Variants in GLIS3 observed in about 807,000 individuals in gnomAD.
GLIS3 encodes zinc finger protein GLIS3.
Under a neutral mutation model 78.6 loss-of-function variants are expected in GLIS3, and 53 were observed. That is an observed-to-expected ratio of 0.67 (90% CI 0.54 to 0.85). The LOEUF (loss-of-function observed/expected upper bound fraction) is 0.85, where lower values mean the gene tolerates loss of function less well. GLIS3 is among the 40% of genes least tolerant of loss of function. The probability of loss-of-function intolerance (pLI) is 0.00; values close to 1 mark genes in which losing one functional copy is unlikely to be tolerated. For synonymous variants in GLIS3, 684 were observed against 509.9 expected (o/e 1.34, Z -4.60); for missense variants, 1,703 against 1,231.1 (o/e 1.38, Z -5.74).
At chr9:3,928,636 G>T (rs1825410425) in intron 6 of GLIS3, among the ~76,000 whole-genome samples, 1 of 152,164 alleles carries the variant, frequency 6.6e-6, no homozygotes, top group African/African-American at 2.4e-5. Context: ...TAAATAGACT[G>T]CCCTAATTTT....
At chr9:4,407,435 G>A in the GLIS3 span, among the ~76,000 whole-genome samples, 5 of 152,186 alleles carry the variant, frequency 3.3e-5, no homozygotes, top group Non-Finnish European at 2.9e-5. Context: ...CACGAGGTCA[G>A]GAGATCGAGA....
At chr9:4,361,174 G>C in the GLIS3 span, among the ~76,000 whole-genome samples, 13 of 152,238 alleles carry the variant, frequency 8.5e-5, no homozygotes, top group Non-Finnish European at 1.8e-4. Context: ...TCCCTCTTTG[G>C]AAACTGTCCT....
intron 2 of GLIS3, among the ~76,000 whole-genome samples, chr9:4,161,210 C>G (rs1564134466): frequency 1.3e-5 from 2 of 152,006 alleles, no homozygotes; most frequent in African/African-American, 4.8e-5. Flanking sequence ...GAGACCAAGG[C>G]TGCAGTGAGC....
the GLIS3 span, among the ~76,000 whole-genome samples, chr9:4,386,721 CAT>C: frequency 2.3e-4 from 35 of 152,304 alleles, no homozygotes; most frequent in African/African-American, 8.4e-4. Context: ...GAAAGGATGA[CAT>C]AAAGTTACAA....
At chr9:4,108,691 A>G (rs759034431) in intron 4 of GLIS3, among the ~76,000 whole-genome samples, 1 of 152,190 alleles carries the variant, frequency 6.6e-6, no homozygotes, top group Non-Finnish European at 1.5e-5. Flanking sequence ...CCAGGCCCCT[A>G]TTTAAAAATG....
intron 2 of GLIS3, among the ~76,000 whole-genome samples, chr9:4,204,334 C>T (rs73398467): frequency 0.022 from 3,347 of 152,188 alleles, 129 homozygotes; most frequent in African/African-American, 0.077. Context: ...GGTTTTTGTA[C>T]ATATAACCAT....
At chr9:4,174,122 T>A (rs1816623246) in intron 2 of GLIS3, among the ~76,000 whole-genome samples, 1 of 152,200 alleles carries the variant, frequency 6.6e-6, no homozygotes, top group South Asian at 2.1e-4. Context: ...GACCTCACTC[T>A]AGGAGAAAAA....
At chr9:3,991,898 G>A (rs373912719) in intron 4 of GLIS3, among the ~76,000 whole-genome samples, 102 of 152,002 alleles carry the variant, frequency 6.7e-4, no homozygotes, top group African/African-American at 2.2e-3. Flanking sequence ...CACCGTATTG[G>A]CCAGGACAGT....
chr9:4,075,791 C>T (rs1382842238), intron 4 of GLIS3, among the ~76,000 whole-genome samples: 2 of 152,044 alleles, frequency 1.3e-5, no homozygotes, highest in Non-Finnish European at 2.9e-5. Context: ...AAAGGAACTA[C>T]TTAACCATGC....
At chr9:4,161,111 A>C (rs1418469087) in intron 2 of GLIS3, among the ~76,000 whole-genome samples, 1 of 151,590 alleles carries the variant, frequency 6.6e-6, no homozygotes, top group Non-Finnish European at 1.5e-5. Context: ...AAAGAAAGAA[A>C]AGAAAAGAAA....
intron 2 of GLIS3, among the ~76,000 whole-genome samples, chr9:4,191,877 T>C (rs2131221314): frequency 6.6e-6 from 1 of 152,170 alleles, no homozygotes; most frequent in African/African-American, 2.4e-5. Flanking sequence ...GAAAAATTAA[T>C]ATTAAATATT....
Position 3,842,925 on chromosome 9 carries a change from G to C in GLIS3, c.2473+13084C>G, listed in dbSNP as rs547359575. Among the ~76,000 whole-genome samples the C allele has an allele frequency of 2.0e-5, 3 of 152,278 alleles. No homozygotes were observed. In the East Asian group the frequency reaches 5.8e-4, roughly 29 times the overall value. On this transcript the variant is annotated intron_variant, in intron 9 of 10. Transcript: ENST00000381971. ...CTTGGGCAGGCTCCCAGCCCTTTCTGCTGGTAGATGGGGCTCTTGGGGATA... is the reference window on the plus strand; with the variant it reads ...CTTGGGCAGGCTCCCAGCCCTTTCTCCTGGTAGATGGGGCTCTTGGGGATA...
chr9:4,006,986 T>C (rs1164769035), intron 4 of GLIS3, among the ~76,000 whole-genome samples: 1 of 152,178 alleles, frequency 6.6e-6, no homozygotes, highest in African/African-American at 2.4e-5. Context: ...TATTTTGCTG[T>C]TGGCCAAAAT....
At chr9:4,356,425 C>A in the GLIS3 span, among the ~76,000 whole-genome samples, 2 of 152,200 alleles carry the variant, frequency 1.3e-5, no homozygotes, top group Admixed American at 6.5e-5. Context: ...GATCTGGCCT[C>A]AGAAAAGTTG....
intron 9 of GLIS3, among the ~76,000 whole-genome samples, chr9:3,836,148 T>G (rs1352673152): frequency 6.6e-6 from 1 of 152,240 alleles, no homozygotes; most frequent in African/African-American, 2.4e-5. Context: ...ACAGCTCTGC[T>G]GAGAACCAGC....
chr9:4,224,069 T>C (rs937263072), intron 2 of GLIS3, among the ~76,000 whole-genome samples: 1 of 150,188 alleles, frequency 6.7e-6, no homozygotes, highest in Non-Finnish European at 1.5e-5. Flanking sequence ...AAGTGCCAAA[T>C]GGTATTTATA....
rs150032389 is a variant in GLIS3 at position 3,975,875 on chromosome 9, A to G, written c.1711-38686T>C. On this transcript the variant is annotated intron_variant, in intron 4 of 10. Coordinates refer to ENST00000381971, the MANE Select transcript of GLIS3 (RefSeq NM_001042413.2). ...AATTGCACCTGTCAATAAAACACAG[A>G]TAAATTAGGTGACTGTAAGTGAAAA... 6.1e-3 allele frequency among the ~76,000 whole-genome samples: 933 copies of G among 152,242 alleles called. 10 individuals carry two copies. The highest frequency in any genetic ancestry group is 0.021 in the African/African-American group (886 of 41,544).
At chr9:4,465,825 A>C in the GLIS3 span, among the ~76,000 whole-genome samples, 1 of 152,222 alleles carries the variant, frequency 6.6e-6, no homozygotes, top group East Asian at 1.9e-4. Context: ...GTGGTAGATT[A>C]GTGCTCCTGC....
chr9:4,368,491 CCCA>C, the GLIS3 span, among the ~76,000 whole-genome samples: 3 of 152,170 alleles, frequency 2.0e-5, no homozygotes, highest in South Asian at 4.1e-4. Flanking sequence ...ACTACAGGTG[CCCA>C]CCACCACCAC....
Sources: allele counts gnomAD v4.1 joint callset (sites outside exome capture counted in the v4.1 genomes callset), GRCh38; gene constraint gnomAD v4.1.1; transcripts MANE v1.5; gene names NCBI Gene and HGNC (gene_info 2026-07-23, HGNC 2026-07-21).